The following VPS35L variants were observed in gnomAD, a reference collection of about 807,000 sequenced individuals.
VPS35L encodes the protein VPS35 endosomal protein sorting factor like.
A neutral mutation model predicts 133.0 loss-of-function variants in VPS35L; 83 were observed. That is an observed-to-expected ratio of 0.62 (90% CI 0.52 to 0.75). The LOEUF (loss-of-function observed/expected upper bound fraction) is 0.75, where lower values mean the gene tolerates loss of function less well. Ranked by LOEUF, VPS35L falls within the 30% of genes least tolerant of loss-of-function variation. The pLI, the probability that VPS35L is intolerant of heterozygous loss-of-function variation, is 0.00. For synonymous variants in VPS35L, 423 were observed against 449.9 expected (o/e 0.94, Z 0.76); for missense variants, 1,083 against 1,206.8 (o/e 0.90, Z 1.52).
rs918367966 is a variant in VPS35L at position 19,591,815 on chromosome 16, G to T, written c.665G>T (p.Ser222Ile). ...TGTTCAAAGCTTCTTTCAGACACCA[G>T]TGTTATTCAGTTCTACCCAAGCAAA... The part of the protein sequence containing the change: ...IQCSKLLSDT[S>I]VIQFYPSKFV... The change falls in exon 8 of 31, where the codon AGT becomes ATT. Residue 222 changes from serine (S) to isoleucine (I), a missense_variant. Ser to Ile is a moderately radical substitution (Grantham distance 142). Transcript: ENST00000417362. The T allele has an allele frequency of 6.2e-7, 1 of 1,612,924 alleles. No homozygotes were observed. Among genetic ancestry groups the T allele is most frequent in the Admixed American group, 1.7e-5 (1 of 59,952 alleles).
Position 19,573,167 on chromosome 16 carries a change from T to C in VPS35L, c.334T>C (p.Ser112Pro). 2 of 1,613,920 alleles carry C rather than the reference T, an allele frequency of 1.2e-6. No individual in the cohort carries two copies. Among genetic ancestry groups the C allele is most frequent in the Non-Finnish European group, 8.5e-7 (1 of 1,179,876 alleles). ...TAGAGATGATAACTCCGTTGTAGGA[T>C]CGGATTTTGAGCCTTGGACCAACAA... ...RDRDDNSVVG[S>P]DFEPWTNKRG... The change falls in exon 4 of 31, where the codon TCG becomes CCG. Residue 112 changes from serine (S) to proline (P), a missense_variant. Ser to Pro is a moderately conservative substitution (Grantham distance 74). Transcript: ENST00000417362.
chr16:19,644,075 T>C (rs1973867111), intron 22 of VPS35L, among the ~76,000 whole-genome samples: 1 of 152,172 alleles, frequency 6.6e-6, no homozygotes, highest in African/African-American at 2.4e-5. Flanking sequence ...CCTTGACTCC[T>C]GTTTTCTCTG....
chr16:19,590,522 T>A (rs1420967347), intron 7 of VPS35L, among the ~76,000 whole-genome samples: 2 of 152,186 alleles, frequency 1.3e-5, no homozygotes, highest in African/African-American at 2.4e-5. Flanking sequence ...ATTTAGTTCT[T>A]CAAAGTAGAA....
chr16:19,615,880 TC>T (rs1267643024), intron 12 of VPS35L, among the ~76,000 whole-genome samples: 1 of 151,282 alleles, frequency 6.6e-6, no homozygotes, highest in African/African-American at 2.4e-5. Context: ...GGCAGGAGAA[TC>T]CCTTGAACCA....
At position 19,591,795 on chromosome 16, in the gene VPS35L, A is replaced by C; in HGVS notation, c.645A>C (p.Ser215=). The part of the protein sequence containing the change: ...VKALKIVIQC[S]KLLSDTSVIQ... ...CTTTTTTTCTCTTTTTTTAGTGTTC[A>C]AAGCTTCTTTCAGACACCAGTGTTA... is the stretch of plus-strand genomic sequence containing the variant. The change falls in exon 8 of 31, where the codon TCA becomes TCC. Residue 215 remains serine, a synonymous_variant. Transcript: ENST00000417362. 1 of 1,611,664 alleles carries C rather than the reference A, an allele frequency of 6.2e-7. No individual in the cohort carries two copies. The highest frequency in any genetic ancestry group is 8.5e-7 in the Non-Finnish European group (1 of 1,177,996).
intron 1 of VPS35L, among the ~76,000 whole-genome samples, chr16:19,564,037 G>T (rs1242525165): frequency 6.6e-6 from 1 of 152,074 alleles, no homozygotes; most frequent in Non-Finnish European, 1.5e-5. Flanking sequence ...TCTGGTGTGT[G>T]GCATAACAAG....
At chr16:19,629,137 A>G (rs935662320) in intron 17 of VPS35L, among the ~76,000 whole-genome samples, 1 of 152,106 alleles carries the variant, frequency 6.6e-6, no homozygotes, top group African/African-American at 2.4e-5. Flanking sequence ...TCTTTTAAAA[A>G]ATTACCCTTC....
intron 28 of VPS35L, among the ~76,000 whole-genome samples, chr16:19,690,020 C>A (rs1975611700): frequency 6.6e-6 from 1 of 152,138 alleles, no homozygotes. Context: ...TCAAGCAGTC[C>A]TCCCACCTTA....
chr16:19,603,171 G>A (rs1357945406), intron 9 of VPS35L, among the ~76,000 whole-genome samples: 1 of 152,140 alleles, frequency 6.6e-6, no homozygotes, highest in African/African-American at 2.4e-5. Context: ...GTCTTGAAGT[G>A]CTTTTAGGAC....
At chr16:19,626,807 G>C (rs1040029187) in intron 15 of VPS35L, among the ~76,000 whole-genome samples, 1 of 152,084 alleles carries the variant, frequency 6.6e-6, no homozygotes, top group Non-Finnish European at 1.5e-5. Flanking sequence ...TTCCCCATGG[G>C]GCTGTGGTAG....
At chr16:19,592,886 A>G (rs1597338864) in intron 8 of VPS35L, among the ~76,000 whole-genome samples, 2 of 151,938 alleles carry the variant, frequency 1.3e-5, no homozygotes, top group Admixed American at 1.3e-4. Flanking sequence ...GGATTTCACC[A>G]TGTTGGCTAG....
chr16:19,614,572 G>C (rs1255000606), intron 12 of VPS35L, among the ~76,000 whole-genome samples: 1 of 152,138 alleles, frequency 6.6e-6, no homozygotes, highest in Non-Finnish European at 1.5e-5. Context: ...CACCACACCC[G>C]GCTAATTTTT....
intron 8 of VPS35L, chr16:19,601,458 T>G (rs1972380708): frequency 1.8e-6 from 1 of 544,366 alleles, no homozygotes; most frequent in Non-Finnish European, 3.2e-6. Context: ...TTTCTGCCTT[T>G]CAAAGAAAGT....
chr16:19,587,265 G>T, intron 7 of VPS35L: 1 of 427,592 alleles, frequency 2.3e-6, no homozygotes, highest in Non-Finnish European at 4.7e-6. Flanking sequence ...ATGAGATTTG[G>T]GTGGGAACAC....
At chr16:19,631,493 T>C (rs1049718628) in intron 18 of VPS35L, among the ~76,000 whole-genome samples, 7 of 152,190 alleles carry the variant, frequency 4.6e-5, no homozygotes, top group South Asian at 2.1e-4. Flanking sequence ...TGTGGTTTTT[T>C]TTGGTCCTAT....
At chr16:19,583,308 C>A (rs1279802156) in intron 7 of VPS35L, among the ~76,000 whole-genome samples, 1 of 152,138 alleles carries the variant, frequency 6.6e-6, no homozygotes, top group Non-Finnish European at 1.5e-5. Flanking sequence ...TATAAATCTA[C>A]CTTTCCTGGA....
chr16:19,608,128 C>A, intron 9 of VPS35L, 50 bp from the exon 10 acceptor site: 1 of 1,409,070 alleles, frequency 7.1e-7, no homozygotes, highest in Non-Finnish European at 1.0e-6. Flanking sequence ...GGGACTCACA[C>A]AGATCCTGAG....
rs757729648 is a variant in VPS35L at position 19,682,332 on chromosome 16, C to T, written c.2469C>T (p.Cys823=). 1.4e-5 allele frequency: 22 copies of T among 1,614,082 alleles called. No individual in the cohort carries two copies. The highest frequency in any genetic ancestry group is 1.6e-4 in the Middle Eastern group (1 of 6,084). ...ATGAGAAAATCCGCATCTACACCTGCGTCCTGCATCTCCTCTCCGCCATGA... is the reference window on the plus strand; with the variant it reads ...ATGAGAAAATCCGCATCTACACCTGTGTCCTGCATCTCCTCTCCGCCATGA... ...NSDEKIRIYT[C]VLHLLSAMSQ... is the part of the protein sequence containing the mutation. The change falls in exon 28 of 31, where the codon TGC becomes TGT. Residue 823 remains cysteine (C), a synonymous_variant. Coordinates refer to ENST00000417362, the MANE Select transcript of VPS35L (RefSeq NM_020314.7).
rs756980890 is a variant in VPS35L, at chr16:19,700,423, A to G, written c.2839A>G (p.Met947Val). ...CAAGAAGCAAAGCAAACAACCAGAC[A>G]TGACTCATCTGACGGAGCTGGCCCT... ...YIKKQSKQPDMTHLTELALRL... is the reference protein window; with the variant it reads ...YIKKQSKQPDVTHLTELALRL... Residue 947 changes from methionine (M) to valine (V), a missense_variant, in exon 31 of 31, where the codon ATG becomes GTG. Transcript: ENST00000417362. 2.8e-5 allele frequency: 46 copies of G among 1,614,064 alleles called. No individual in the cohort carries two copies. The highest frequency in any genetic ancestry group is 3.7e-5 in the Non-Finnish European group (44 of 1,180,014).
Sources: gnomAD v4.1 joint callset for allele counts (sites outside exome capture counted in the v4.1 genomes callset) on GRCh38, gnomAD v4.1.1 for gene constraint, MANE v1.5 for transcripts, NCBI Gene and HGNC (gene_info 2026-07-23, HGNC 2026-07-21) for gene names.